Variants in RPS11 observed in about 807,000 individuals in gnomAD.
RPS11 encodes ribosomal protein S11.
For missense variants in RPS11, 127 were observed against 211.4 expected (o/e 0.60, Z 2.48); for synonymous variants, 107 against 78.0 (o/e 1.37, Z -1.96).
At position 49,497,436 on chromosome 19, in the gene RPS11, G is replaced by A. The variant is rs1313038842; in HGVS notation, c.148-84G>A. 27 of 1,593,748 alleles carry A rather than the reference G, an allele frequency of 1.7e-5. No individual in the cohort carries two copies. In the Admixed American group the frequency reaches 4.5e-4, roughly 27 times the overall value. On this transcript the variant is annotated intron_variant, in intron 2 of 4. Transcript: ENST00000270625. ...GCTTCTGGGGCTGCTGGGAATTGTA[G>A]TTGCTTCCCTGAGGCCACGCCCCTG...
chr19:49,497,109 G>C, intron 1 of RPS11, 85 bp from the exon 2 acceptor site: 2 of 1,510,354 alleles, frequency 1.3e-6, no homozygotes, highest in Non-Finnish European at 9.0e-7. Flanking sequence ...CATGGGGTCT[G>C]GGAGGTTCTG....
chr19:49,497,909 G>A lies in RPS11; in HGVS notation c.224-8G>A, dbSNP rs148723163. 2,993 of 1,614,014 alleles carry A rather than the reference G, an allele frequency of 1.9e-3. 4 individuals carry two copies. Among genetic ancestry groups the A allele is most frequent in the Non-Finnish European group, 2.1e-3 (2,483 of 1,179,988 alleles). On this transcript the variant is annotated splice_polypyrimidine_tract_variant and splice_region_variant and intron_variant, in intron 3 of 4. Transcript: ENST00000270625. ...GGGACCTGACCTATGATCGGCCCCCGCTCCTAGGCGTGGTGACCAAGATGA... is the reference window on the plus strand; with the variant it reads ...GGGACCTGACCTATGATCGGCCCCCACTCCTAGGCGTGGTGACCAAGATGA...
chr19:49,498,988 C>T (rs1008467877), intron 4 of RPS11, among the ~76,000 whole-genome samples: 2 of 152,136 alleles, frequency 1.3e-5, no homozygotes, highest in Non-Finnish European at 2.9e-5. Context: ...GGAACAAAGT[C>T]CTGCTCCCTC....
intron 4 of RPS11, 59 bp downstream of exon 4, chr19:49,498,105 G>T (rs975580569): frequency 1.9e-6 from 3 of 1,601,956 alleles, no homozygotes; most frequent in African/African-American, 1.3e-5. Flanking sequence ...TCAGATTCCA[G>T]ATCGGACCAA....
Position 49,496,476 on chromosome 19 carries a change from G to A in RPS11, c.15+5G>A, listed in dbSNP as rs202145895. On this transcript the variant is annotated splice_donor_5th_base_variant and intron_variant, in intron 1 of 4. Transcript: ENST00000270625. ...GGGAAGATGGCGGACATTCAGGTGCGGACTCGGGGTTGGATGCCAGGGTGC... is the reference window on the plus strand; with the variant it reads ...GGGAAGATGGCGGACATTCAGGTGCAGACTCGGGGTTGGATGCCAGGGTGC... The A allele has an allele frequency of 8.1e-6, 13 of 1,610,824 alleles. No individual in the cohort carries two copies. Among genetic ancestry groups the A allele is most frequent in the African/African-American group, 5.4e-5 (4 of 74,596 alleles).
chr19:49,498,414 A>G lies in RPS11; in HGVS notation c.353+368A>G, dbSNP rs186309568. On this transcript the variant is annotated intron_variant, in intron 4 of 4. Transcript: ENST00000270625. ...TCTGTGTGAAACAAAGTTTGCGTAC[A>G]TTGAACCATTGGAAAGCAAAGGTGT... is the stretch of plus-strand genomic sequence containing the variant. Among the ~76,000 whole-genome samples the G allele has an allele frequency of 2.5e-4, 38 of 152,364 alleles. No individual in the cohort carries two copies. The East Asian group carries it at 7.1e-3, about 29-fold the overall frequency.
intron 2 of RPS11, 54 bp downstream of exon 2, chr19:49,497,379 C>G: frequency 6.2e-7 from 1 of 1,611,158 alleles, no homozygotes; most frequent in East Asian, 2.2e-5. Flanking sequence ...GCACGTGTGC[C>G]CACGACGAGT....
intron 4 of RPS11, 53 bp from the exon 5 acceptor site, chr19:49,499,459 G>C: frequency 6.3e-7 from 1 of 1,581,102 alleles, no homozygotes; most frequent in South Asian, 1.1e-5. Context: ...AGGGCCTCCT[G>C]GGGTCTGCTG....
At chr19:49,497,701 T>C in intron 3 of RPS11, 106 bp downstream of exon 3, 2 of 1,205,818 alleles carry the variant, frequency 1.7e-6, no homozygotes, top group South Asian at 1.2e-5. Context: ...GAATGCAAAC[T>C]TGTAGGTCCA....
rs199554535 is a variant in RPS11, at chr19:49,497,478, G to T, written c.148-42G>T. The T allele has an allele frequency of 8.1e-6, 13 of 1,606,176 alleles. No homozygotes were observed. In the African/African-American group the frequency reaches 1.7e-4, roughly 21 times the overall value. ...ACGCCCCTGGCTCTTTTAAGGAACC[G>T]CCCGCCCAAGGCTCACTCCTTTATC... On this transcript the variant is annotated intron_variant, in intron 2 of 4. Coordinates refer to ENST00000270625, the MANE Select transcript of RPS11 (RefSeq NM_001015.5).
intron 3 of RPS11, 158 bp from the exon 4 acceptor site, chr19:49,497,759 C>G: frequency 8.5e-7 from 1 of 1,172,130 alleles, no homozygotes; most frequent in Non-Finnish European, 1.3e-6. Context: ...TTCAGATGCC[C>G]ACGTGGGCAC....
intron 1 of RPS11, among the ~76,000 whole-genome samples, chr19:49,496,884 C>T (rs1292432049): frequency 4.6e-5 from 7 of 151,956 alleles, no homozygotes; most frequent in African/African-American, 1.5e-4. Flanking sequence ...GGAGAATGAT[C>T]CTCGCTGAAA....
In RPS11 at chr19:49,499,573, C is replaced by A; in HGVS notation, c.415C>A (p.Arg139Ser). 6.2e-7 allele frequency: 1 copy of A among 1,613,996 alleles called. No individual in the cohort carries two copies. Among genetic ancestry groups the A allele is most frequent in the Non-Finnish European group, 8.5e-7 (1 of 1,179,916 alleles). The change falls in exon 5 of 5, where the codon CGC becomes AGC. Residue 139 changes from arginine to serine, a missense_variant. Arg to Ser is a moderately radical substitution (Grantham distance 110, BLOSUM62 -1). Transcript: ENST00000270625. The part of the protein sequence containing the change: ...GECRPLSKTV[R>S]FNVLKVTKAA... ...GTGCCGGCCTCTGAGCAAGACAGTG[C>A]GCTTCAACGTGCTCAAGGTCACCAA...
At chr19:49,497,695 G>A in intron 3 of RPS11, 100 bp downstream of exon 3, 1 of 1,251,030 alleles carries the variant, frequency 8.0e-7, no homozygotes, top group Non-Finnish European at 1.2e-6. Context: ...GGTTAGGAAT[G>A]CAAACTTGTA....
chr19:49,496,577 C>A, intron 1 of RPS11, 106 bp downstream of exon 1: 2 of 1,209,074 alleles, frequency 1.7e-6, no homozygotes, highest in Non-Finnish European at 2.3e-6. Flanking sequence ...TAATTCCGGG[C>A]GTCCGTGATT....
At chr19:49,497,848 A>G in intron 3 of RPS11, 69 bp from the exon 4 acceptor site, 3 of 1,605,496 alleles carry the variant, frequency 1.9e-6, no homozygotes, top group Non-Finnish European at 1.7e-6. Flanking sequence ...TCTGAGTCCC[A>G]GCATGCCCTG....
In RPS11 at chr19:49,497,499, TTA is replaced by T. The variant is rs768743449; in HGVS notation, c.148-19_148-18del. On this transcript the variant is annotated intron_variant, in intron 2 of 4. Transcript: ENST00000270625. The stretch of plus-strand genomic sequence containing the variant: ...AACCGCCCGCCCAAGGCTCACTCCT[TTA>T]TCTTTCCTATCCTTTCAGGCTATTG... The T allele has an allele frequency of 2.5e-6, 4 of 1,612,490 alleles. No individual in the cohort carries two copies. The South Asian group carries it at 4.4e-5, about 18-fold the overall frequency.
chr19:49,498,743 C>T (rs995690015), intron 4 of RPS11, among the ~76,000 whole-genome samples: 1 of 152,114 alleles, frequency 6.6e-6, no homozygotes, highest in Admixed American at 6.6e-5. Flanking sequence ...GAGTAAGACC[C>T]TGTCTCTCCC....
chr19:49,497,880 C>T, intron 3 of RPS11, 37 bp from the exon 4 acceptor site: 1 of 1,613,962 alleles, frequency 6.2e-7, no homozygotes, highest in Non-Finnish European at 8.5e-7. Flanking sequence ...GCCCTCTTTC[C>T]CATGGGACCT....
Sources: allele counts gnomAD v4.1 joint callset (sites outside exome capture counted in the v4.1 genomes callset), GRCh38; gene constraint gnomAD v4.1.1; transcripts MANE v1.5; gene names NCBI Gene and HGNC (gene_info 2026-07-23, HGNC 2026-07-21).